AK4: variants seen among roughly 807,000 people sequenced by gnomAD.
AK4 encodes adenylate kinase 4.
In AK4, 13 loss-of-function variants were observed where a neutral mutation model predicts 24.6. The observed-to-expected ratio is 0.53, with a 90% CI of 0.34 to 0.84. AK4 has a LOEUF of 0.84. Among genes scored for constraint, AK4 ranks in the 40% least tolerant of loss-of-function variants. The pLI is 0.01. For synonymous variants in AK4, 88 were observed against 107.0 expected, an observed-to-expected ratio of 0.82 and a Z score of 1.10; for missense variants, 192 against 288.2, an observed-to-expected ratio of 0.67 and a Z score of 2.42.
Position 65,173,617 on chromosome 1 carries a change from A to C in AK4, c.146-17093A>C, listed in dbSNP as rs540206629. Among the ~76,000 whole-genome samples the C allele has an allele frequency of 1.1e-4, 16 of 152,282 alleles. No homozygotes were observed. In the East Asian group the frequency reaches 2.5e-3, roughly 24 times the overall value. On this transcript the variant is annotated intron_variant, in intron 1 of 4. Transcript: ENST00000327299. ...AAGCACTACTCATACCTGTAATCCC[A>C]GCACTGTGGGAGGCCAAGGTGGGCA...
At chr1:65,206,738 C>T (rs1319872532) in intron 2 of AK4, among the ~76,000 whole-genome samples, 1 of 152,240 alleles carries the variant, frequency 6.6e-6, no homozygotes, top group Non-Finnish European at 1.5e-5. Context: ...ATGATCGCAT[C>T]ACTGCCCTCC....
intron 1 of AK4, among the ~76,000 whole-genome samples, chr1:65,180,874 G>T (rs1203817852): frequency 6.6e-6 from 1 of 152,114 alleles, no homozygotes; most frequent in African/African-American, 2.4e-5. Flanking sequence ...ATGATACCAG[G>T]GTGAGCAAGG....
chr1:65,178,477 C>G (rs763376111), intron 1 of AK4, among the ~76,000 whole-genome samples: 1 of 152,208 alleles, frequency 6.6e-6, no homozygotes, highest in Admixed American at 6.5e-5. Context: ...GCCCACAGGG[C>G]TGCCTCTTCC....
chr1:65,206,488 C>T (rs1651815780), intron 2 of AK4, among the ~76,000 whole-genome samples: 1 of 152,218 alleles, frequency 6.6e-6, no homozygotes. Context: ...GTGGCTTGTG[C>T]CTATAATCCC....
intron 1 of AK4, among the ~76,000 whole-genome samples, chr1:65,187,183 TA>T (rs1651127465): frequency 6.6e-6 from 1 of 151,640 alleles, no homozygotes; most frequent in Non-Finnish European, 1.5e-5. Flanking sequence ...CTGTTTCTAC[TA>T]AAAATACTAA....
At chr1:65,200,156 C>T (rs1651619218) in intron 2 of AK4, among the ~76,000 whole-genome samples, 1 of 126,302 alleles carries the variant, frequency 7.9e-6, no homozygotes, top group Non-Finnish European at 1.7e-5. Flanking sequence ...TTTTGCTGCC[C>T]AGGCTGGAGT....
intron 1 of AK4, among the ~76,000 whole-genome samples, chr1:65,174,065 T>G (rs954939116): frequency 6.6e-6 from 1 of 152,150 alleles, no homozygotes; most frequent in African/African-American, 2.4e-5. Context: ...CTTGCTCTTT[T>G]CCCTTCTGGA....
chr1:65,226,096 G>C lies in AK4; in HGVS notation c.591G>C (p.Thr197=), dbSNP rs567848952. 1 of 1,611,702 alleles carries C rather than the reference G, an allele frequency of 6.2e-7. No individual in the cohort carries two copies. Among genetic ancestry groups the C allele is most frequent in the South Asian group, 1.1e-5 (1 of 90,900 alleles). The change falls in exon 5 of 5, where the codon ACG becomes ACC. Residue 197 remains threonine (T), a synonymous_variant. Coordinates refer to ENST00000327299, the MANE Select transcript of AK4 (RefSeq NM_013410.4). ...SRGVLHQFSG[T]ETNKIWPYVY... is the part of the protein sequence containing the mutation. ...GAGTGCTCCACCAATTTTCCGGAAC[G>C]GAGACGAACAAAATCTGGCCCTACG... is the stretch of plus-strand genomic sequence containing the variant.
At chr1:65,204,896 TTTA>T (rs1651768871) in intron 2 of AK4, among the ~76,000 whole-genome samples, 2 of 152,202 alleles carry the variant, frequency 1.3e-5, no homozygotes, top group Admixed American at 1.3e-4. Flanking sequence ...CTCTACTCAT[TTTA>T]TTTTGATTAA....
chr1:65,151,541 C>T (rs1338237745), intron 1 of AK4, among the ~76,000 whole-genome samples: 2 of 152,132 alleles, frequency 1.3e-5, no homozygotes, highest in Admixed American at 1.3e-4. Context: ...GCACCTGGCC[C>T]ATTCTTGGGC....
At position 65,148,362 on chromosome 1, in the gene AK4, C is replaced by G; in HGVS notation, c.-46C>G. 1 of 1,510,402 alleles carries G rather than the reference C, an allele frequency of 6.6e-7. No homozygotes were observed. Among genetic ancestry groups the G allele is most frequent in the Non-Finnish European group, 8.8e-7 (1 of 1,131,010 alleles). The allele number at this position is 1,510,402 out of a possible 1,614,324, so 93.6% of individuals were successfully genotyped here. On this transcript the variant is annotated 5_prime_UTR_variant, in exon 1 of 5. Transcript: ENST00000327299. ...AAGTTCCCGGGGCTTCCTCCGGGGC[C>G]GCGGTCGGGGCTGCGCGTTTGACCG...
chr1:65,210,904 A>G (rs1366180683), intron 2 of AK4, among the ~76,000 whole-genome samples: 1 of 152,196 alleles, frequency 6.6e-6, no homozygotes, highest in African/African-American at 2.4e-5. Flanking sequence ...AGGTTAAGCA[A>G]CCAGGGTCAC....
rs1237641879 is a variant in AK4 at position 65,228,891 on chromosome 1, G to A, written c.*2714G>A. ...CAGGCTTCTTTCTTACTTAGAACTT[G>A]GAAAGGCTGCTGTATTTAATACCCT... On this transcript the variant is annotated 3_prime_UTR_variant, in exon 5 of 5. Transcript: ENST00000327299. 1.3e-5 allele frequency: 2 copies of A among 151,926 alleles called. No homozygotes were observed. The highest frequency in any genetic ancestry group is 2.9e-5 in the Non-Finnish European group (2 of 68,000). The allele number at this position is 151,926 out of a possible 1,614,324, so 9.4% of individuals were successfully genotyped here. A position where few individuals can be genotyped will look rare whatever the true frequency, so the allele number is the denominator to read the frequency against.
Position 65,226,945 on chromosome 1 carries a change from G to A in AK4, c.*768G>A, listed in dbSNP as rs1444070048. On this transcript the variant is annotated 3_prime_UTR_variant, in exon 5 of 5. Transcript: ENST00000327299. ...AATCTCTGTATGCACTGAGAACTGA[G>A]CTATGAAGAGGATCTTATTAAACTG... is the stretch of plus-strand genomic sequence containing the variant. 1.4e-5 allele frequency: 2 copies of A among 147,566 alleles called. No homozygotes were observed. Among genetic ancestry groups the A allele is most frequent in the Admixed American group, 6.8e-5 (1 of 14,786 alleles). The allele number at this position is 147,566 out of a possible 1,614,324, so 9.1% of individuals were successfully genotyped here. A position where few individuals can be genotyped will look rare whatever the true frequency, so the allele number is the denominator to read the frequency against.
At chr1:65,198,519 A>T (rs1459371361) in intron 2 of AK4, among the ~76,000 whole-genome samples, 1 of 152,204 alleles carries the variant, frequency 6.6e-6, no homozygotes, top group Non-Finnish European at 1.5e-5. Flanking sequence ...TTAGAGGTAG[A>T]CTAAGCTTGT....
At chr1:65,222,440 T>TTC (rs1182031008) in intron 3 of AK4, among the ~76,000 whole-genome samples, 2 of 152,306 alleles carry the variant, frequency 1.3e-5, no homozygotes, top group East Asian at 3.9e-4. Flanking sequence ...CCCATGCCCT[T>TTC]ACCATCTGCC....
chr1:65,164,177 A>G (rs1280927359), intron 1 of AK4, among the ~76,000 whole-genome samples: 1 of 152,154 alleles, frequency 6.6e-6, no homozygotes, highest in African/African-American at 2.4e-5. Context: ...AGGGCTGTTA[A>G]TCAATTTTGT....
chr1:65,200,990 C>T (rs981116161), intron 2 of AK4, among the ~76,000 whole-genome samples: 18 of 152,254 alleles, frequency 1.2e-4, no homozygotes, highest in African/African-American at 3.6e-4. Context: ...GACGGGGTTT[C>T]GCCATGTTGG....
chr1:65,149,428 C>A (rs1406440972), intron 1 of AK4, among the ~76,000 whole-genome samples: 1 of 152,140 alleles, frequency 6.6e-6, no homozygotes, highest in Non-Finnish European at 1.5e-5. Flanking sequence ...CGTTAAAAGG[C>A]GAGAGGTAGC....
Sources: gnomAD v4.1 joint callset for allele counts (sites outside exome capture counted in the v4.1 genomes callset) on GRCh38, gnomAD v4.1.1 for gene constraint, MANE v1.5 for transcripts, NCBI Gene and HGNC (gene_info 2026-07-23, HGNC 2026-07-21) for gene names.